The following GIGYF2 variants were observed in gnomAD, a reference collection of about 807,000 sequenced individuals.
GIGYF2 encodes GRB10-interacting GYF protein 2.
GIGYF2 carries 25 observed loss-of-function variants against 208.1 expected under a neutral mutation model. The observed-to-expected ratio is 0.12, with a 90% CI of 0.09 to 0.17. The LOEUF (loss-of-function observed/expected upper bound fraction) is 0.17. GIGYF2 is among the 10% of genes least tolerant of loss of function. The probability of loss-of-function intolerance (pLI) is 1.00; values close to 1 mark genes in which losing one functional copy is unlikely to be tolerated. For missense variants in GIGYF2, 1,302 were observed against 1,579.4 expected (o/e 0.82, Z 2.98); for synonymous variants, 534 against 543.8 (o/e 0.98, Z 0.25).
intron 3 of GIGYF2, among the ~76,000 whole-genome samples, chr2:232,742,764 G>A (rs927423777): frequency 3.3e-5 from 5 of 152,192 alleles, no homozygotes; most frequent in African/African-American, 9.7e-5. Flanking sequence ...GAGGAGTAAA[G>A]TATGAATCCC....
chr2:232,837,814 G>T (rs560573837), intron 22 of GIGYF2, among the ~76,000 whole-genome samples: 5 of 152,248 alleles, frequency 3.3e-5, no homozygotes, highest in African/African-American at 9.6e-5. Flanking sequence ...CCAGGGAGCA[G>T]GTCCACGCAG....
chr2:232,748,246 TC>T (rs2106312627), intron 4 of GIGYF2, among the ~76,000 whole-genome samples: 1 of 152,292 alleles, frequency 6.6e-6, no homozygotes, highest in South Asian at 2.1e-4. Context: ...TTTATCTTAC[TC>T]ACTGACTAGT....
intron 19 of GIGYF2, 67 bp from the exon 20 acceptor site, chr2:232,816,804 G>C: frequency 8.5e-7 from 1 of 1,182,698 alleles, no homozygotes; most frequent in Middle Eastern, 2.0e-4. Flanking sequence ...AATACTACTG[G>C]TCAGTGCTTT....
chr2:232,717,227 A>G (rs2344611), intron 2 of GIGYF2, among the ~76,000 whole-genome samples: 109,656 of 151,992 alleles, frequency 0.72, 40,307 homozygotes, highest in East Asian at 0.88. Flanking sequence ...CAAGAGGATC[A>G]TTTGAACCCA....
At chr2:232,748,071 A>C (rs760921375) in intron 4 of GIGYF2, among the ~76,000 whole-genome samples, 10 of 152,124 alleles carry the variant, frequency 6.6e-5, no homozygotes, top group Non-Finnish European at 1.5e-4. Flanking sequence ...CTTTCTCTTT[A>C]TTGTACCTCT....
At position 232,811,423 on chromosome 2, in the gene GIGYF2, C is replaced by G. The variant is rs549085434; in HGVS notation, c.2006+72C>G. 7 of 908,260 alleles carry G rather than the reference C, an allele frequency of 7.7e-6. No individual in the cohort carries two copies. In the East Asian group the frequency reaches 1.5e-4, roughly 19 times the overall value. 56.3% of individuals were successfully genotyped at this position (908,260 alleles called of 1,614,324 possible). A position where few individuals can be genotyped will look rare whatever the true frequency, so the allele number is the denominator to read the frequency against. Reference sequence around the variant, plus strand: ...AAAGAAAGAGAAGAAAGGAGAAATTCTGGTATAGTGTGTGATTTCTGGCAC... The same window carrying G: ...AAAGAAAGAGAAGAAAGGAGAAATTGTGGTATAGTGTGTGATTTCTGGCAC... On this transcript the variant is annotated intron_variant, in intron 17 of 28. Transcript: ENST00000373563.
rs572868068 is a variant in GIGYF2, at chr2:232,735,165, A to G, written c.-33A>G. The G allele has an allele frequency of 8.7e-6, 13 of 1,490,636 alleles. No individual in the cohort carries two copies. The highest frequency in any genetic ancestry group is 4.5e-5 in the East Asian group (2 of 44,340). 92.3% of individuals were successfully genotyped at this position (1,490,636 alleles called of 1,614,324 possible). On this transcript the variant is annotated 5_prime_UTR_variant, in exon 3 of 29. Transcript: ENST00000373563. ...TTTTCTCGTTAACAGGTTTCTTCAC[A>G]TATAAAAATCTATTGTAAAAATACG...
chr2:232,711,287 A>C (rs1696388831), intron 2 of GIGYF2, among the ~76,000 whole-genome samples: 2 of 143,408 alleles, frequency 1.4e-5, no homozygotes, highest in African/African-American at 5.2e-5. Context: ...TTTTATAGAG[A>C]TAGGGTTTCA....
intron 3 of GIGYF2, among the ~76,000 whole-genome samples, chr2:232,737,765 C>A (rs1697794447): frequency 6.6e-6 from 1 of 151,752 alleles, no homozygotes; most frequent in South Asian, 2.1e-4. Flanking sequence ...TTAAGGTCAT[C>A]ATTTTTGTGA....
chr2:232,778,110 A>AT (rs1227966316), intron 8 of GIGYF2, among the ~76,000 whole-genome samples: 1 of 151,138 alleles, frequency 6.6e-6, no homozygotes, highest in East Asian at 1.9e-4. Context: ...CTAATTTTTT[A>AT]TTTTTTGTAG....
chr2:232,837,126 G>A (rs375240511), intron 22 of GIGYF2, among the ~76,000 whole-genome samples: 1 of 152,170 alleles, frequency 6.6e-6, no homozygotes, highest in South Asian at 2.1e-4. Flanking sequence ...TCCTATGAGT[G>A]GGGCTGGGCA....
At chr2:232,727,110 G>A (rs754991656) in intron 2 of GIGYF2, among the ~76,000 whole-genome samples, 13 of 152,022 alleles carry the variant, frequency 8.6e-5, no homozygotes, top group Non-Finnish European at 8.8e-5. Flanking sequence ...GATTATAGGC[G>A]TGCACCACCA....
intron 2 of GIGYF2, among the ~76,000 whole-genome samples, chr2:232,705,100 C>A (rs1696031994): frequency 6.6e-6 from 1 of 151,496 alleles, no homozygotes; most frequent in Non-Finnish European, 1.5e-5. Context: ...ACCTCGTGAT[C>A]CGCCTGCCTC....
rs774851611 is a variant in GIGYF2 at position 232,796,156 on chromosome 2, C to G, written c.1574C>G (p.Ser525Trp). The G allele has an allele frequency of 1.3e-6, 2 of 1,599,778 alleles. No homozygotes were observed. The highest frequency in any genetic ancestry group is 2.2e-5 in the East Asian group (1 of 44,812). ...CAAGAGCACAGAGCTAAAGGAGTGTCGATTCCATTGATGCATGAAGCAATG... is the reference window on the plus strand; with the variant it reads ...CAAGAGCACAGAGCTAAAGGAGTGTGGATTCCATTGATGCATGAAGCAATG... ...KLQEHRAKGV[S>W]IPLMHEAMQK... Residue 525 changes from serine to tryptophan, a missense_variant, in exon 14 of 29, where the codon TCG becomes TGG. Ser to Trp is a radical substitution (Grantham distance 177). Transcript: ENST00000373563.
At chr2:232,831,204 A>C (rs1035032811) in intron 21 of GIGYF2, among the ~76,000 whole-genome samples, 2 of 152,202 alleles carry the variant, frequency 1.3e-5, no homozygotes, top group African/African-American at 4.8e-5. Context: ...TACTACTGTA[A>C]GTAGTACTGT....
chr2:232,756,355 A>G (rs1486529513), intron 6 of GIGYF2, 21 bp downstream of exon 6: 2 of 1,262,220 alleles, frequency 1.6e-6, no homozygotes, highest in Non-Finnish European at 2.2e-6. Flanking sequence ...ATATGAAAAA[A>G]GTAATAATGG....
At chr2:232,781,903 C>T (rs1336202406) in intron 8 of GIGYF2, among the ~76,000 whole-genome samples, 1 of 152,174 alleles carries the variant, frequency 6.6e-6, no homozygotes, top group Non-Finnish European at 1.5e-5. Context: ...TGGGAAACCA[C>T]CTTACTGGTA....
At chr2:232,764,350 G>A (rs1698863556) in intron 8 of GIGYF2, 1 of 152,278 alleles carries the variant, frequency 6.6e-6, no homozygotes, top group Admixed American at 6.5e-5. Flanking sequence ...AGTGTCCTCA[G>A]TGAGTCAGGT....
chr2:232,814,129 G>T (rs970795975), intron 18 of GIGYF2, among the ~76,000 whole-genome samples: 1 of 151,608 alleles, frequency 6.6e-6, no homozygotes, highest in East Asian at 1.9e-4. Context: ...CAAGTGATCC[G>T]CCTGCCTCTG....
Sources: allele counts gnomAD v4.1 joint callset (sites outside exome capture counted in the v4.1 genomes callset), GRCh38; gene constraint gnomAD v4.1.1; transcripts MANE v1.5; gene names NCBI Gene and HGNC (gene_info 2026-07-23, HGNC 2026-07-21).